Variants in EMCN observed in about 807,000 individuals in gnomAD.
EMCN encodes the protein endomucin.
In EMCN, 37 loss-of-function variants were observed where a neutral mutation model predicts 38.4. The ratio of observed to expected loss-of-function variants is 0.96; its 90% CI spans 0.74 to 1.27. EMCN has a LOEUF of 1.27. EMCN is among the 50% of genes most tolerant of loss of function. The pLI, the probability that EMCN is intolerant of heterozygous loss-of-function variation, is 0.00. For missense variants in EMCN, 318 were observed against 302.8 expected, an observed-to-expected ratio of 1.05 and a Z score of -0.37; for synonymous variants, 95 against 100.8, an observed-to-expected ratio of 0.94 and a Z score of 0.35.
At chr4:100,483,146 A>T (rs533075560) in intron 1 of EMCN, among the ~76,000 whole-genome samples, 5 of 152,126 alleles carry the variant, frequency 3.3e-5, no homozygotes, top group Non-Finnish European at 4.4e-5. Context: ...TCCAGGCTCA[A>T]TGTAAATACT....
intron 2 of EMCN, among the ~76,000 whole-genome samples, chr4:100,478,821 G>A (rs945943891): frequency 6.6e-6 from 1 of 152,006 alleles, no homozygotes; most frequent in Non-Finnish European, 1.5e-5. Context: ...TATATTAAAT[G>A]GGTAATATAA....
chr4:100,411,767 T>C (rs1022368220), intron 10 of EMCN, among the ~76,000 whole-genome samples: 2 of 152,200 alleles, frequency 1.3e-5, no homozygotes, highest in African/African-American at 4.8e-5. Context: ...GGCAGTAATA[T>C]ATGTTAATTT....
intron 3 of EMCN, among the ~76,000 whole-genome samples, chr4:100,467,471 G>A (rs1728349445): frequency 6.6e-6 from 1 of 151,896 alleles, no homozygotes; most frequent in African/African-American, 2.4e-5. Flanking sequence ...GAGGTCAGGA[G>A]ATCGAGACCA....
Position 100,465,489 on chromosome 4 carries a change from T to C in EMCN, c.310A>G (p.Asn104Asp), listed in dbSNP as rs1728290963. The change falls in exon 4 of 12, where the codon AAC becomes GAC. Residue 104 changes from asparagine to aspartate, a missense_variant. Transcript: ENST00000296420. The stretch of plus-strand genomic sequence containing the variant: ...AGTGTAACACTTGTTACTGTTACGT[T>C]TGAAATGATGGAGTCATTCTTCCTG... ...DVRKNDSIIS[N>D]VTVTSVTLPN... 2 of 1,609,036 alleles carry C rather than the reference T, an allele frequency of 1.2e-6. No homozygotes were observed. The highest frequency in any genetic ancestry group is 2.7e-5 in the African/African-American group (2 of 74,910).
intron 3 of EMCN, among the ~76,000 whole-genome samples, chr4:100,471,750 A>T (rs930795351): frequency 6.6e-6 from 1 of 152,038 alleles, no homozygotes; most frequent in Non-Finnish European, 1.5e-5. Context: ...AGTTGGATTT[A>T]GCCTAGGAAT....
In EMCN at chr4:100,495,753, A is replaced by G. The variant is rs145889833; in HGVS notation, c.65-15714T>C. 8.6e-3 allele frequency among the ~76,000 whole-genome samples: 1,302 copies of G among 152,218 alleles called. 14 individuals carry two copies. Among genetic ancestry groups the G allele is most frequent in the Non-Finnish European group, 0.015 (1,016 of 67,928 alleles). On this transcript the variant is annotated intron_variant, in intron 1 of 11. Coordinates refer to ENST00000296420, the MANE Select transcript of EMCN (RefSeq NM_016242.4). The stretch of plus-strand genomic sequence containing the variant: ...ACATATAAGACTAATCAGTTTTCAA[A>G]TAACTTTTATAGCATTAACATTTAT...
chr4:100,448,819 C>A (rs560395937), intron 4 of EMCN, among the ~76,000 whole-genome samples: 4 of 145,568 alleles, frequency 2.7e-5, no homozygotes, highest in Non-Finnish European at 4.5e-5. Context: ...TTCCTTCCTT[C>A]CTTCCTCCCT....
chr4:100,492,378 GA>G (rs1729104645), intron 1 of EMCN, among the ~76,000 whole-genome samples: 1 of 151,824 alleles, frequency 6.6e-6, no homozygotes, highest in African/African-American at 2.4e-5. Context: ...AAAAAAGAAT[GA>G]AAAAAGCCTG....
intron 1 of EMCN, among the ~76,000 whole-genome samples, chr4:100,511,895 TAAGAG>T (rs368675935): frequency 7.2e-5 from 11 of 152,062 alleles, no homozygotes; most frequent in African/African-American, 2.7e-4. Flanking sequence ...AGCAGGAATA[TAAGAG>T]AAAAGCATTT....
At chr4:100,446,300 G>C (rs1727670245) in intron 5 of EMCN, 2 of 574,016 alleles carry the variant, frequency 3.5e-6, no homozygotes, top group Non-Finnish European at 4.4e-6. Context: ...TAAAAAAATG[G>C]TGATTAGTGG....
chr4:100,491,967 A>G (rs923165150), intron 1 of EMCN, among the ~76,000 whole-genome samples: 1 of 152,224 alleles, frequency 6.6e-6, no homozygotes, highest in Non-Finnish European at 1.5e-5. Flanking sequence ...ATGTACAGAC[A>G]CCAATGCAAG....
At position 100,423,292 on chromosome 4, in the gene EMCN, C is replaced by A; in HGVS notation, c.508+20G>T. ...GGGTCAGGTAGAGCAGATTTCCACT[C>A]AGGCACACAGATATCATACCTTGAG... is the stretch of plus-strand genomic sequence containing the variant. On this transcript the variant is annotated intron_variant, in intron 6 of 11. Coordinates refer to ENST00000296420, the MANE Select transcript of EMCN (RefSeq NM_016242.4). 1 of 1,579,518 alleles carries A rather than the reference C, an allele frequency of 6.3e-7. No individual in the cohort carries two copies. The highest frequency in any genetic ancestry group is 8.7e-7 in the Non-Finnish European group (1 of 1,148,968).
At position 100,427,451 on chromosome 4, in the gene EMCN, C is replaced by CTT. The variant is rs200233624; in HGVS notation, c.416-4048_416-4047insAA. ...CACACCCAGCTAATTTTCTCTCTCTCTCTTTTTTTTTTTTTTTGTAGAGAT... is the reference window on the plus strand; with the variant it reads ...CACACCCAGCTAATTTTCTCTCTCTCTTTCTTTTTTTTTTTTTTTGTAGAGAT... On this transcript the variant is annotated intron_variant, in intron 5 of 11. Coordinates refer to ENST00000296420, the MANE Select transcript of EMCN (RefSeq NM_016242.4). 1.1e-4 allele frequency among the ~76,000 whole-genome samples: 15 copies of CTT among 130,966 alleles called. 3 individuals carry two copies. The highest frequency in any genetic ancestry group is 5.3e-4 in the African/African-American group (15 of 28,534). 85.9% of individuals were successfully genotyped at this position (130,966 alleles called of 152,430 possible).
intron 2 of EMCN, among the ~76,000 whole-genome samples, 171 bp from the exon 3 acceptor site, chr4:100,475,280 T>C (rs1346338979): frequency 1.4e-5 from 2 of 142,538 alleles, no homozygotes; most frequent in African/African-American, 5.2e-5. Context: ...TAAATATATG[T>C]ATATTAAATA....
chr4:100,515,880 G>A (rs1246560997), intron 1 of EMCN, among the ~76,000 whole-genome samples: 1 of 151,976 alleles, frequency 6.6e-6, no homozygotes, highest in Non-Finnish European at 1.5e-5. Context: ...GCAGAACCAG[G>A]TACAACAAAA....
intron 10 of EMCN, among the ~76,000 whole-genome samples, chr4:100,413,055 A>C (rs890161554): frequency 3.3e-5 from 5 of 152,138 alleles, no homozygotes; most frequent in Admixed American, 3.3e-4. Context: ...AACATTGTTT[A>C]TTGGTCTGTA....
chr4:100,409,930 C>G (rs1726502882), intron 11 of EMCN, among the ~76,000 whole-genome samples: 1 of 152,202 alleles, frequency 6.6e-6, no homozygotes. Flanking sequence ...TGGATTCTGC[C>G]AGTCTTTGTC....
At chr4:100,434,777 C>T (rs887477861) in intron 5 of EMCN, among the ~76,000 whole-genome samples, 2 of 152,146 alleles carry the variant, frequency 1.3e-5, no homozygotes, top group African/African-American at 4.8e-5. Context: ...CCAAAAACCA[C>T]ACGATTGTCT....
intron 1 of EMCN, among the ~76,000 whole-genome samples, chr4:100,485,338 CA>C (rs1316517539): frequency 6.6e-6 from 1 of 151,952 alleles, no homozygotes; most frequent in Non-Finnish European, 1.5e-5. Context: ...GCCAGTTTTT[CA>C]GTTATGATTT....
Sources: allele counts gnomAD v4.1 joint callset (sites outside exome capture counted in the v4.1 genomes callset), GRCh38; gene constraint gnomAD v4.1.1; transcripts MANE v1.5; gene names NCBI Gene and HGNC (gene_info 2026-07-23, HGNC 2026-07-21).